Variants in PRKD2 observed in about 807,000 individuals in gnomAD.
The protein encoded by PRKD2 is protein kinase D2, also known as serine/threonine-protein kinase D2.
Under a neutral mutation model 86.0 loss-of-function variants are expected in PRKD2, and 22 were observed. That is an observed-to-expected ratio of 0.26 (90% CI 0.18 to 0.37). The LOEUF is 0.37. Ranked by LOEUF, PRKD2 falls within the 10% of genes least tolerant of loss-of-function variation. The pLI is 1.00. For missense variants in PRKD2, 818 were observed against 1,199.2 expected (o/e 0.68, Z 4.70); for synonymous variants, 509 against 510.9 (o/e 1.00, Z 0.05).
intron 2 of PRKD2, among the ~76,000 whole-genome samples, chr19:46,712,032 C>T (rs1340890583): frequency 6.6e-6 from 1 of 150,768 alleles, no homozygotes; most frequent in Non-Finnish European, 1.5e-5. Context: ...CATGCCACGG[C>T]ACTCCAGCCT....
chr19:46,676,687 TCA>T (rs1382264984), intron 16 of PRKD2, among the ~76,000 whole-genome samples: 9 of 152,166 alleles, frequency 5.9e-5, no homozygotes, highest in Admixed American at 4.6e-4. Context: ...TCTGTGATCC[TCA>T]CACAGGTGCA....
intron 12 of PRKD2, 96 bp downstream of exon 12, chr19:46,691,639 A>T: frequency 8.0e-7 from 1 of 1,248,166 alleles, no homozygotes; most frequent in Non-Finnish European, 1.2e-6. Flanking sequence ...GTGACCAATC[A>T]GAAAGGAAGG....
At chr19:46,706,698 C>G (rs932089195) in intron 3 of PRKD2, among the ~76,000 whole-genome samples, 43 of 152,158 alleles carry the variant, frequency 2.8e-4, no homozygotes, top group Non-Finnish European at 1.3e-4. Flanking sequence ...TTGATGACAC[C>G]AGGGCTGTAT....
intron 5 of PRKD2, among the ~76,000 whole-genome samples, chr19:46,702,043 T>G (rs1181891897): frequency 1.3e-5 from 2 of 149,924 alleles, no homozygotes; most frequent in Non-Finnish European, 1.5e-5. Flanking sequence ...TTTTTGTTTT[T>G]TTTTTTTTTT....
At chr19:46,684,747 G>A (rs371151894) in intron 14 of PRKD2, among the ~76,000 whole-genome samples, 108 of 152,068 alleles carry the variant, frequency 7.1e-4, no homozygotes, top group East Asian at 2.1e-3. Flanking sequence ...GGCAGATCAC[G>A]AGATCAAAAG....
chr19:46,694,473 TA>T (rs1243474269), intron 9 of PRKD2, among the ~76,000 whole-genome samples: 1 of 152,048 alleles, frequency 6.6e-6, no homozygotes, highest in Non-Finnish European at 1.5e-5. Context: ...TGTGCGCCTG[TA>T]ATCCCAGCTA....
chr19:46,681,617 G>T, intron 15 of PRKD2, 33 bp downstream of exon 15: 1 of 1,394,206 alleles, frequency 7.2e-7, no homozygotes, highest in Non-Finnish European at 1.0e-6. Flanking sequence ...GTGTTGCCTG[G>T]ATTTCCCCAA....
At chr19:46,675,207 C>G in intron 16 of PRKD2, 89 bp from the exon 17 acceptor site, 7 of 1,083,258 alleles carry the variant, frequency 6.5e-6, no homozygotes, top group Non-Finnish European at 9.6e-6. Context: ...TGCCTGCCAT[C>G]AACACCTTCC....
chr19:46,701,630 AG>A (rs879294213), intron 5 of PRKD2, among the ~76,000 whole-genome samples: 3 of 151,176 alleles, frequency 2.0e-5, no homozygotes, highest in Non-Finnish European at 4.4e-5. Flanking sequence ...CTGGGATTAC[AG>A]GCGTGAGCCA....
chr19:46,675,630 A>G (rs1210871215), intron 16 of PRKD2, among the ~76,000 whole-genome samples: 8 of 152,086 alleles, frequency 5.3e-5, no homozygotes, highest in Admixed American at 5.2e-4. Flanking sequence ...TTTTTAGTAG[A>G]GATGGGGTTT....
chr19:46,695,066 G>T (rs1007367888), intron 9 of PRKD2, among the ~76,000 whole-genome samples: 1 of 152,102 alleles, frequency 6.6e-6, no homozygotes, highest in African/African-American at 2.4e-5. Context: ...AGCCAGGTGT[G>T]GTGGTGCGCA....
chr19:46,697,272 C>A, intron 8 of PRKD2, 38 bp from the exon 9 acceptor site: 1 of 1,473,536 alleles, frequency 6.8e-7, no homozygotes, highest in Non-Finnish European at 9.4e-7. Context: ...AACCGCCAGA[C>A]TTTCCTGCCC....
At chr19:46,694,670 G>A (rs2053531660) in intron 9 of PRKD2, among the ~76,000 whole-genome samples, 1 of 152,178 alleles carries the variant, frequency 6.6e-6, no homozygotes, top group African/African-American at 2.4e-5. Flanking sequence ...GAAGCAGCCA[G>A]TTGGCAAGGA....
intron 2 of PRKD2, 127 bp downstream of exon 2, chr19:46,713,736 G>T: frequency 1.1e-6 from 1 of 921,356 alleles, no homozygotes; most frequent in Non-Finnish European, 1.6e-6. Flanking sequence ...CTCCCAAAGT[G>T]CTGGGATCAC....
At chr19:46,681,820 C>A in intron 14 of PRKD2, 72 bp from the exon 15 acceptor site, 1 of 915,920 alleles carries the variant, frequency 1.1e-6, no homozygotes, top group South Asian at 1.4e-5. Context: ...CAGCAGCCAG[C>A]CCTCCAAACC....
Position 46,716,287 on chromosome 19 carries a change from C to G in PRKD2, c.84G>C (p.Leu28=). 6.4e-7 allele frequency: 1 copy of G among 1,560,790 alleles called. No homozygotes were observed. The highest frequency in any genetic ancestry group is 8.7e-7 in the Non-Finnish European group (1 of 1,155,352). ...GSPPPPGGLE[L]QSPPPLLPQI... is the part of the protein sequence containing the mutation. Reference sequence around the variant, plus strand: ...GGGGCAGTAGCGGTGGCGGCGACTGCAGCTCTAGGCCGCCGGGGGGCGGAG... The same window carrying G: ...GGGGCAGTAGCGGTGGCGGCGACTGGAGCTCTAGGCCGCCGGGGGGCGGAG... The change falls in exon 1 of 18, where the codon CTG becomes CTC. Residue 28 remains leucine, a synonymous_variant. Transcript: ENST00000291281. This position sits in a 1 kb window ranked among gnomAD's most constrained non-coding sequence, Gnocchi z 7.9.
chr19:46,702,664 T>C (rs1399619637), intron 5 of PRKD2, among the ~76,000 whole-genome samples: 2 of 151,950 alleles, frequency 1.3e-5, no homozygotes, highest in Non-Finnish European at 2.9e-5. Flanking sequence ...TTTATGTGGA[T>C]CTAGGCTTCT....
intron 9 of PRKD2, 87 bp downstream of exon 9, chr19:46,697,070 T>C: frequency 9.1e-7 from 1 of 1,094,200 alleles, no homozygotes; most frequent in Non-Finnish European, 1.4e-6. Flanking sequence ...GCAGGATCTG[T>C]CTGGAGTAAC....
chr19:46,711,644 C>T lies in PRKD2; in HGVS notation c.380-606G>A, dbSNP rs545034165. ...CCGACCTCAGGTGATCTGCCCGCCT[C>T]GGTCTCTCAAAGTGTTGGGATTACA... is the stretch of plus-strand genomic sequence containing the variant. On this transcript the variant is annotated intron_variant, in intron 2 of 17. Transcript: ENST00000291281. 3.3e-5 allele frequency among the ~76,000 whole-genome samples: 5 copies of T among 152,230 alleles called. No individual in the cohort carries two copies. In the South Asian group the frequency reaches 8.3e-4, roughly 25 times the overall value.
Sources: allele counts gnomAD v4.1 joint callset (sites outside exome capture counted in the v4.1 genomes callset), GRCh38; gene constraint gnomAD v4.1.1; non-coding constraint Gnocchi (gnomAD v3.1); transcripts MANE v1.5; gene names NCBI Gene and HGNC (gene_info 2026-07-23, HGNC 2026-07-21).